Variants in ACTR6 observed in about 807,000 individuals in gnomAD.
The protein encoded by ACTR6 is actin related protein 6.
A neutral mutation model predicts 52.5 loss-of-function variants in ACTR6; 50 were observed. The ratio of observed to expected loss-of-function variants is 0.95; its 90% CI spans 0.76 to 1.20. ACTR6 has a LOEUF of 1.20. ACTR6 is among the 50% of genes most tolerant of loss of function. The pLI, the probability that ACTR6 is intolerant of heterozygous loss-of-function variation, is 0.00. For synonymous variants in ACTR6, 135 were observed against 147.2 expected, an observed-to-expected ratio of 0.92 and a Z score of 0.60; for missense variants, 344 against 472.4, an observed-to-expected ratio of 0.73 and a Z score of 2.52.
At chr12:100,216,184 C>G (rs1002957182) in intron 8 of ACTR6, among the ~76,000 whole-genome samples, 4 of 152,222 alleles carry the variant, frequency 2.6e-5, no homozygotes, top group African/African-American at 9.6e-5. Context: ...GAGACGGAGT[C>G]TCGTTCTATA....
chr12:100,203,694 A>G (rs938899486), intron 1 of ACTR6: 3 of 126,604 alleles, frequency 2.4e-5, no homozygotes, highest in African/African-American at 6.3e-5. Context: ...TCTGTCGTCC[A>G]GGCTGGAATG....
At chr12:100,207,036 A>G (rs2096115448) in intron 3 of ACTR6, among the ~76,000 whole-genome samples, 1 of 151,536 alleles carries the variant, frequency 6.6e-6, no homozygotes, top group Non-Finnish European at 1.5e-5. Context: ...TCATTCATTA[A>G]TGTTTCTATA....
intron 6 of ACTR6, among the ~76,000 whole-genome samples, chr12:100,211,420 T>C (rs2096119816): frequency 6.6e-6 from 1 of 152,202 alleles, no homozygotes; most frequent in African/African-American, 2.4e-5. Context: ...CACAGGCATG[T>C]GCTACCACAC....
chr12:100,220,458 T>C (rs2096127239), intron 10 of ACTR6, among the ~76,000 whole-genome samples: 1 of 152,196 alleles, frequency 6.6e-6, no homozygotes, highest in East Asian at 1.9e-4. Flanking sequence ...ATCAGGTTAT[T>C]GTCTATATGA....
chr12:100,221,945 AT>A (rs901826172), intron 10 of ACTR6, among the ~76,000 whole-genome samples: 3 of 151,340 alleles, frequency 2.0e-5, no homozygotes, highest in Admixed American at 2.0e-4. Context: ...GGTTTTTAAA[AT>A]TTTTTTCAAT....
rs2096118793 is a variant in ACTR6, at chr12:100,210,323, A to G, written c.544A>G (p.Asn182Asp). Residue 182 changes from asparagine to aspartate, a missense_variant, in exon 6 of 11, where the codon AAT becomes GAT. Asn to Asp is a conservative substitution (Grantham distance 23). Coordinates refer to ENST00000188312, the MANE Select transcript of ACTR6 (RefSeq NM_022496.5). ...RINVGGKLLT[N>D]HLKEIISYRQ... ...AAATGTGGGAGGAAAACTCTTAACC[A>G]ATCATCTAAAGGAGATCATATCTTA... The G allele has an allele frequency of 6.2e-7, 1 of 1,614,028 alleles. No individual in the cohort carries two copies. The highest frequency in any genetic ancestry group is 8.5e-7 in the Non-Finnish European group (1 of 1,180,010).
Position 100,219,175 on chromosome 12 carries a change from A to AG in ACTR6, c.922+589_922+590insG, listed in dbSNP as rs1339913255. Among the ~76,000 whole-genome samples the AG allele has an allele frequency of 1.6e-4, 24 of 151,616 alleles. No individual in the cohort carries two copies. In the South Asian group the frequency reaches 2.7e-3, roughly 17 times the overall value. ...TTCCTCTCATTAAAAAAAAAAAAAAAAAAAGAAAAACATAATGCTGTCCAT... is the reference window on the plus strand; with the variant it reads ...TTCCTCTCATTAAAAAAAAAAAAAAAGAAAAGAAAAACATAATGCTGTCCAT... On this transcript the variant is annotated intron_variant, in intron 9 of 10. Coordinates refer to ENST00000188312, the MANE Select transcript of ACTR6 (RefSeq NM_022496.5).
intron 1 of ACTR6, chr12:100,204,065 C>T (rs1469774987): frequency 6.6e-6 from 1 of 152,172 alleles, no homozygotes; most frequent in Non-Finnish European, 1.5e-5. Context: ...GCAATACTTA[C>T]CTGTAAGGAT....
rs1052263411 is a variant in ACTR6 at position 100,210,476 on chromosome 12, T to G, written c.572+125T>G. On this transcript the variant is annotated intron_variant, in intron 6 of 10. Coordinates refer to ENST00000188312, the MANE Select transcript of ACTR6 (RefSeq NM_022496.5). ...ACTCACGCCTGTAATCCCAGCACAT[T>G]GGGAGGCCGAGGTGGGTGCATCACT... 37 of 1,052,096 alleles carry G rather than the reference T, an allele frequency of 3.5e-5. No individual in the cohort carries two copies. In the African/African-American group the frequency reaches 5.9e-4, roughly 17 times the overall value. The allele number at this position is 1,052,096 out of a possible 1,614,324, so 65.2% of individuals were successfully genotyped here.
intron 1 of ACTR6, 112 bp downstream of exon 1, chr12:100,201,031 T>G: frequency 1.9e-6 from 3 of 1,567,474 alleles, no homozygotes; most frequent in Admixed American, 1.8e-5. Flanking sequence ...GGCCCTGACT[T>G]AGCCAGAGGG....
chr12:100,200,863 A>G lies in ACTR6; in HGVS notation c.12A>G (p.Leu4=), dbSNP rs1345981787. The G allele has an allele frequency of 6.2e-7, 1 of 1,614,058 alleles. No homozygotes were observed. Among genetic ancestry groups the G allele is most frequent in the Non-Finnish European group, 8.5e-7 (1 of 1,180,030 alleles). Residue 4 remains leucine (L), a synonymous_variant, in exon 1 of 11, where the codon TTA becomes TTG. Transcript: ENST00000188312. MTT[L]VLDNGAYNAK... ...TGGTTGGTGGTGAGATGACGACCTT[A>G]GTGCTGGATAATGGAGCTTACAACG... is the stretch of plus-strand genomic sequence containing the variant.
chr12:100,209,541 C>G (rs149823814), intron 4 of ACTR6, among the ~76,000 whole-genome samples: 109 of 152,224 alleles, frequency 7.2e-4, no homozygotes, highest in African/African-American at 2.6e-3. Flanking sequence ...AAACATCCTA[C>G]AACGCATAGG....
At chr12:100,213,324 C>T (rs1444348823) in intron 8 of ACTR6, among the ~76,000 whole-genome samples, 1 of 152,122 alleles carries the variant, frequency 6.6e-6, no homozygotes, top group African/African-American at 2.4e-5. Flanking sequence ...AACTCCTGGG[C>T]TCAAATGATC....
intron 4 of ACTR6, 137 bp downstream of exon 4, chr12:100,207,923 G>A (rs1169578921): frequency 2.2e-6 from 2 of 893,134 alleles, no homozygotes; most frequent in Non-Finnish European, 3.5e-6. Flanking sequence ...CAGTTTGGGA[G>A]GCTGAGGCGA....
Position 100,219,374 on chromosome 12 carries a change from C to T in ACTR6, c.923-634C>T, listed in dbSNP as rs118164022. On this transcript the variant is annotated intron_variant, in intron 9 of 10. Coordinates refer to ENST00000188312, the MANE Select transcript of ACTR6 (RefSeq NM_022496.5). The stretch of plus-strand genomic sequence containing the variant: ...GAACAGAAACATTAGGTGGGACGGC[C>T]CATACCTGTTAATTCCTGATGGATT... 3.2e-4 allele frequency among the ~76,000 whole-genome samples: 48 copies of T among 152,142 alleles called. No individual in the cohort carries two copies. In the East Asian group the frequency reaches 8.1e-3, roughly 26 times the overall value.
At chr12:100,221,474 C>T (rs1438067348) in intron 10 of ACTR6, among the ~76,000 whole-genome samples, 3 of 152,112 alleles carry the variant, frequency 2.0e-5, no homozygotes, top group African/African-American at 7.2e-5. Flanking sequence ...TTTTCTCTTG[C>T]ATGCACAGAT....
At chr12:100,203,306 T>A (rs575623803) in intron 1 of ACTR6, among the ~76,000 whole-genome samples, 1 of 152,190 alleles carries the variant, frequency 6.6e-6, no homozygotes, top group South Asian at 2.1e-4. Flanking sequence ...GGGAACTTAA[T>A]TTATTTTATT....
chr12:100,210,012 T>G, intron 4 of ACTR6, 61 bp from the exon 5 acceptor site: 4 of 1,459,088 alleles, frequency 2.7e-6, no homozygotes, highest in Non-Finnish European at 3.7e-6. Context: ...GTTTCCTACC[T>G]TTTTAATTGC....
At chr12:100,201,000 G>A in intron 1 of ACTR6, 81 bp downstream of exon 1, 2 of 1,608,082 alleles carry the variant, frequency 1.2e-6, no homozygotes, top group Non-Finnish European at 8.5e-7. Flanking sequence ...GGACATCAAT[G>A]AACTGCAGAC....
Sources: allele counts gnomAD v4.1 joint callset (sites outside exome capture counted in the v4.1 genomes callset), GRCh38; gene constraint gnomAD v4.1.1; transcripts MANE v1.5; gene names NCBI Gene and HGNC (gene_info 2026-07-23, HGNC 2026-07-21).